The following SNTG1 variants were observed in gnomAD, a reference collection of about 807,000 sequenced individuals.
SNTG1 encodes the protein syntrophin gamma 1, also known as gamma-1-syntrophin.
In SNTG1, 39 loss-of-function variants were observed where a neutral mutation model predicts 74.7. That is an observed-to-expected ratio of 0.52 (90% CI 0.40 to 0.68). The LOEUF (loss-of-function observed/expected upper bound fraction) is 0.68. SNTG1 is among the 30% of genes least tolerant of loss of function. The pLI is 0.00. For missense variants in SNTG1, 685 were observed against 609.5 expected (o/e 1.12, Z -1.30); for synonymous variants, 254 against 217.1 (o/e 1.17, Z -1.49).
rs138369578 is a variant in SNTG1, at chr8:50,004,889, G to A, written c.-103+92658G>A. On this transcript the variant is annotated intron_variant, in intron 1 of 18. Transcript: ENST00000642720. ...AACCAAAAGCACACAAACCAAAGCA[G>A]AGAAAATGAACAAAGTTGGTGTTTG... 3.4e-3 allele frequency among the ~76,000 whole-genome samples: 520 copies of A among 152,272 alleles called. 3 individuals are homozygous for A. The highest frequency in any genetic ancestry group is 0.01 in the African/African-American group (435 of 41,550).
At chr8:50,254,237 G>A (rs1411033895) in intron 2 of SNTG1, among the ~76,000 whole-genome samples, 1 of 152,122 alleles carries the variant, frequency 6.6e-6, no homozygotes, top group Non-Finnish European at 1.5e-5. Context: ...TTGGAACCAT[G>A]AAGATGAAAC....
At chr8:50,601,475 G>A (rs961310285) in intron 13 of SNTG1, among the ~76,000 whole-genome samples, 3 of 152,018 alleles carry the variant, frequency 2.0e-5, no homozygotes, top group Admixed American at 6.6e-5. Context: ...TTCCATTGCA[G>A]TCAGAGAAAA....
chr8:49,997,399 A>C (rs946701989), intron 1 of SNTG1, among the ~76,000 whole-genome samples: 1 of 152,280 alleles, frequency 6.6e-6, no homozygotes, highest in African/African-American at 2.4e-5. Context: ...AAAGCTAAAA[A>C]TTAATTTTCT....
At chr8:50,168,158 A>G (rs2082689886) in intron 1 of SNTG1, among the ~76,000 whole-genome samples, 1 of 150,512 alleles carries the variant, frequency 6.6e-6, no homozygotes, top group Non-Finnish European at 1.5e-5. Flanking sequence ...AATGTTTAAT[A>G]TTTCCCAACT....
chr8:50,760,780 G>C (rs925461082), intron 18 of SNTG1, among the ~76,000 whole-genome samples: 1 of 151,942 alleles, frequency 6.6e-6, no homozygotes. Context: ...GAGAAGAGAT[G>C]GATGAATTCC....
Position 50,020,343 on chromosome 8 carries a change from G to A in SNTG1, c.-103+108112G>A, listed in dbSNP as rs918252281. On this transcript the variant is annotated intron_variant, in intron 1 of 18. Transcript: ENST00000642720. ...TATTTACACAAGGTCTTAGATGGGA[G>A]ACACAGACAAGGCTTCCTACACAGC... Among the ~76,000 whole-genome samples the A allele has an allele frequency of 3.3e-5, 5 of 152,208 alleles. No individual in the cohort carries two copies. In the South Asian group the frequency reaches 1.0e-3, roughly 32 times the overall value.
chr8:50,364,537 T>C (rs1402669713), intron 2 of SNTG1, among the ~76,000 whole-genome samples: 3 of 152,172 alleles, frequency 2.0e-5, no homozygotes, highest in African/African-American at 7.2e-5. Context: ...TGTGTTTTTC[T>C]TTAGGATTCT....
At chr8:50,115,007 A>G (rs1227544175) in intron 1 of SNTG1, among the ~76,000 whole-genome samples, 2 of 152,196 alleles carry the variant, frequency 1.3e-5, no homozygotes, top group African/African-American at 2.4e-5. Flanking sequence ...AATATATATG[A>G]CATGTACTTG....
chr8:50,546,222 A>G (rs979888438), intron 11 of SNTG1, among the ~76,000 whole-genome samples: 1 of 144,060 alleles, frequency 6.9e-6, no homozygotes, highest in African/African-American at 2.8e-5. Flanking sequence ...ATAATTGTAG[A>G]AGCAAATTGA....
chr8:50,192,197 T>C (rs1287642909), intron 2 of SNTG1, among the ~76,000 whole-genome samples: 1 of 152,172 alleles, frequency 6.6e-6, no homozygotes, highest in Non-Finnish European at 1.5e-5. Context: ...GTTTGTCATA[T>C]CTTTTTAAAA....
At chr8:50,501,934 CAT>C (rs753313890) in intron 8 of SNTG1, among the ~76,000 whole-genome samples, 3 of 152,112 alleles carry the variant, frequency 2.0e-5, no homozygotes, top group Non-Finnish European at 4.4e-5. Context: ...AAATTATAAA[CAT>C]ATTAATATCT....
chr8:50,272,688 A>G (rs955072117), intron 2 of SNTG1, among the ~76,000 whole-genome samples: 2 of 152,176 alleles, frequency 1.3e-5, no homozygotes, highest in Non-Finnish European at 2.9e-5. Flanking sequence ...CTTGATTTGT[A>G]TCATGTACAT....
intron 8 of SNTG1, among the ~76,000 whole-genome samples, chr8:50,481,410 C>T (rs545813046): frequency 6.6e-6 from 1 of 152,188 alleles, no homozygotes; most frequent in Non-Finnish European, 1.5e-5. Flanking sequence ...ACAAAACATA[C>T]AGTGTAAAGT....
At chr8:50,780,243 T>A (rs2095654813) in intron 18 of SNTG1, among the ~76,000 whole-genome samples, 2 of 152,310 alleles carry the variant, frequency 1.3e-5, no homozygotes, top group African/African-American at 4.8e-5. Flanking sequence ...GGATTCCCTC[T>A]TTTTCTATTG....
chr8:50,377,241 A>G (rs2092404493), intron 2 of SNTG1, among the ~76,000 whole-genome samples: 1 of 152,152 alleles, frequency 6.6e-6, no homozygotes, highest in Non-Finnish European at 1.5e-5. Flanking sequence ...ATTAAACTTT[A>G]GGAAAGGAAG....
chr8:50,636,254 C>G (rs1179256724), intron 13 of SNTG1, among the ~76,000 whole-genome samples: 2 of 151,484 alleles, frequency 1.3e-5, no homozygotes, highest in Admixed American at 6.6e-5. Flanking sequence ...GGTTCGAGGA[C>G]AGATGGTGCA....
chr8:49,920,193 A>G (rs1806406316), intron 1 of SNTG1, among the ~76,000 whole-genome samples: 1 of 152,084 alleles, frequency 6.6e-6, no homozygotes, highest in African/African-American at 2.4e-5. Context: ...TAAAGTCTTC[A>G]TAGGGCATAA....
At chr8:49,992,631 A>G (rs1347337931) in intron 1 of SNTG1, among the ~76,000 whole-genome samples, 1 of 152,146 alleles carries the variant, frequency 6.6e-6, no homozygotes, top group Non-Finnish European at 1.5e-5. Context: ...TGTTGGAAGA[A>G]ACTTAAATTG....
chr8:49,949,359 A>T (rs1332299547), intron 1 of SNTG1, among the ~76,000 whole-genome samples: 3 of 152,242 alleles, frequency 2.0e-5, no homozygotes, highest in Non-Finnish European at 4.4e-5. Flanking sequence ...ATCAAGATGA[A>T]TACTGAATCC....
Sources: gnomAD v4.1 joint callset for allele counts (sites outside exome capture counted in the v4.1 genomes callset) on GRCh38, gnomAD v4.1.1 for gene constraint, MANE v1.5 for transcripts, NCBI Gene and HGNC (gene_info 2026-07-23, HGNC 2026-07-21) for gene names.